UNC13C: variants seen among roughly 807,000 people sequenced by gnomAD.
UNC13C encodes protein unc-13 homolog C.
A neutral mutation model predicts 245.4 loss-of-function variants in UNC13C; 174 were observed. The ratio of observed to expected loss-of-function variants is 0.71; its 90% CI spans 0.63 to 0.80. The LOEUF (loss-of-function observed/expected upper bound fraction) is 0.80. Ranked by LOEUF, UNC13C falls within the 30% of genes least tolerant of loss-of-function variation. The probability of loss-of-function intolerance (pLI) is 0.00; values close to 1 mark genes in which losing one functional copy is unlikely to be tolerated. For missense variants in UNC13C, 2,829 were observed against 2,602.9 expected, an observed-to-expected ratio of 1.09 and a Z score of -1.89; for synonymous variants, 992 against 895.1, an observed-to-expected ratio of 1.11 and a Z score of -1.93.
chr15:53,871,483 C>G, the UNC13C span, among the ~76,000 whole-genome samples: 7 of 152,166 alleles, frequency 4.6e-5, no homozygotes, highest in Non-Finnish European at 1.0e-4. Flanking sequence ...CAGATATCAC[C>G]TTCTCTTTTC....
At chr15:53,907,777 A>G in the UNC13C span, among the ~76,000 whole-genome samples, 7 of 148,070 alleles carry the variant, frequency 4.7e-5, no homozygotes, top group African/African-American at 1.2e-4. Context: ...ATCTATCTTC[A>G]TTGCTACTAT....
At chr15:54,211,449 A>G (rs72730855) in intron 4 of UNC13C, among the ~76,000 whole-genome samples, 16,546 of 152,112 alleles carry the variant, frequency 0.11, 1,282 homozygotes, top group African/African-American at 0.22. Context: ...GTAGGAAAAA[A>G]AAGTCCTACT....
intron 19 of UNC13C, among the ~76,000 whole-genome samples, chr15:54,448,377 T>C (rs1286297100): frequency 6.6e-6 from 1 of 152,182 alleles, no homozygotes; most frequent in African/African-American, 2.4e-5. Context: ...TGTGGGGTGT[T>C]AAAGTTTCCC....
chr15:53,967,265 T>C, the UNC13C span, among the ~76,000 whole-genome samples: 1 of 152,214 alleles, frequency 6.6e-6, no homozygotes, highest in African/African-American at 2.4e-5. Flanking sequence ...TTTGTATGGA[T>C]TTTGAATGTG....
intron 13 of UNC13C, among the ~76,000 whole-genome samples, chr15:54,307,770 CAAA>C (rs752436942): frequency 7.9e-5 from 12 of 151,888 alleles, no homozygotes; most frequent in Non-Finnish European, 1.5e-4. Context: ...CTCTTGTACT[CAAA>C]ATCTCCATAA....
At chr15:53,869,960 G>A in the UNC13C span, among the ~76,000 whole-genome samples, 1 of 152,188 alleles carries the variant, frequency 6.6e-6, no homozygotes, top group Non-Finnish European at 1.5e-5. Context: ...CACAAGGTAA[G>A]GATTAGACTG....
chr15:54,392,950 A>G (rs2039988825), intron 17 of UNC13C, 98 bp from the exon 18 acceptor site: 8 of 1,348,068 alleles, frequency 5.9e-6, no homozygotes, highest in Non-Finnish European at 7.8e-6. Flanking sequence ...TTTCATTTCC[A>G]CAATCATTTT....
At chr15:54,528,914 A>G (rs1026410145) in intron 25 of UNC13C, among the ~76,000 whole-genome samples, 1 of 152,172 alleles carries the variant, frequency 6.6e-6, no homozygotes, top group Non-Finnish European at 1.5e-5. Flanking sequence ...CATCCCCTTC[A>G]TCATTTTCCC....
chr15:53,958,902 G>A, the UNC13C span, among the ~76,000 whole-genome samples: 1 of 151,978 alleles, frequency 6.6e-6, no homozygotes. Flanking sequence ...TTCCTTCCAC[G>A]TAACTGCATT....
At chr15:54,209,309 G>A (rs1364476927) in intron 4 of UNC13C, among the ~76,000 whole-genome samples, 2 of 152,092 alleles carry the variant, frequency 1.3e-5, no homozygotes, top group Non-Finnish European at 2.9e-5. Flanking sequence ...TTGCAACCAC[G>A]ATTCTATACT....
intron 18 of UNC13C, among the ~76,000 whole-genome samples, chr15:54,401,302 T>G (rs1021212506): frequency 4.6e-5 from 7 of 152,168 alleles, no homozygotes; most frequent in African/African-American, 1.7e-4. Flanking sequence ...GAGTCACAAA[T>G]ATTTAATTTG....
chr15:54,532,938 G>C lies in UNC13C; in HGVS notation c.5568G>C (p.Glu1856Asp). The C allele has an allele frequency of 1.3e-6, 2 of 1,564,362 alleles. No individual in the cohort carries two copies. Among genetic ancestry groups the C allele is most frequent in the Middle Eastern group, 1.7e-4 (1 of 5,984 alleles). The change falls in exon 26 of 33, where the codon GAG becomes GAC. Residue 1856 changes from glutamate to aspartate, a missense_variant. Coordinates refer to ENST00000260323, the MANE Select transcript of UNC13C (RefSeq NM_001080534.3). ...YGESFQVIIE[E>D]CIKQMSFELN... ...TTAGTTTCCAGGTTATAATTGAAGA[G>C]TGTATAAAACAGATGAGTTTCGAAC...
In UNC13C at chr15:54,175,725, A is replaced by C. The variant is rs1328294249; in HGVS notation, c.3071+32041A>C. ...ACGGGGTTTCACAGCTCCACAGAGA[A>C]ATACACAGAAACTGGTAGTAAGTTT... On this transcript the variant is annotated intron_variant, in intron 4 of 32. Coordinates refer to ENST00000260323, the MANE Select transcript of UNC13C (RefSeq NM_001080534.3). Among the ~76,000 whole-genome samples, 4 of 151,938 alleles carry C rather than the reference A, an allele frequency of 2.6e-5. No homozygotes were observed. In the East Asian group the frequency reaches 7.7e-4, roughly 29 times the overall value.
intron 2 of UNC13C, among the ~76,000 whole-genome samples, chr15:54,046,758 G>A (rs975192807): frequency 2.0e-5 from 3 of 151,416 alleles, no homozygotes; most frequent in Non-Finnish European, 4.4e-5. Context: ...TATATAAACA[G>A]TACAACTTAT....
intron 2 of UNC13C, among the ~76,000 whole-genome samples, chr15:54,132,950 A>T (rs2031518150): frequency 6.6e-6 from 1 of 152,226 alleles, no homozygotes; most frequent in Non-Finnish European, 1.5e-5. Flanking sequence ...AAAGTGTGTT[A>T]TAATAGAGGT....
At chr15:54,272,871 A>C (rs190742204) in intron 10 of UNC13C, among the ~76,000 whole-genome samples, 50 of 152,342 alleles carry the variant, frequency 3.3e-4, no homozygotes, top group African/African-American at 1.2e-3. Flanking sequence ...ACTTAGGGTC[A>C]CCAAAGAGAA....
chr15:54,508,858 C>A (rs1051752729), intron 23 of UNC13C, among the ~76,000 whole-genome samples: 24 of 152,234 alleles, frequency 1.6e-4, no homozygotes, highest in African/African-American at 5.5e-4. Context: ...TCTATTTCAT[C>A]TGCAAATTGA....
At chr15:54,022,212 G>T (rs1353871404) in intron 2 of UNC13C, among the ~76,000 whole-genome samples, 1 of 152,148 alleles carries the variant, frequency 6.6e-6, no homozygotes, top group Non-Finnish European at 1.5e-5. Context: ...CAATGTACAA[G>T]AATTTCCTTT....
chr15:54,033,193 CTT>C (rs940391810), intron 2 of UNC13C, among the ~76,000 whole-genome samples: 13 of 151,910 alleles, frequency 8.6e-5, no homozygotes, highest in African/African-American at 2.2e-4. Context: ...AATAATGAGA[CTT>C]ATCGCCTCAG....
Sources: allele counts gnomAD v4.1 joint callset (sites outside exome capture counted in the v4.1 genomes callset), GRCh38; gene constraint gnomAD v4.1.1; transcripts MANE v1.5; gene names NCBI Gene and HGNC (gene_info 2026-07-23, HGNC 2026-07-21).